The following DNAH7 variants were observed in gnomAD, a reference collection of about 807,000 sequenced individuals.
DNAH7 encodes dynein axonemal heavy chain 7.
Under a neutral mutation model 444.6 loss-of-function variants are expected in DNAH7, and 397 were observed. The observed-to-expected ratio is 0.89, with a 90% CI of 0.82 to 0.97. DNAH7 has a LOEUF of 0.97. DNAH7 is among the 50% of genes least tolerant of loss of function. DNAH7 has a pLI of 0.00. For synonymous variants in DNAH7, 1,636 were observed against 1,624.4 expected (o/e 1.01, Z -0.17); for missense variants, 4,902 against 4,800.8 (o/e 1.02, Z -0.62).
chr2:195,749,837 A>T (rs1199318700), intron 63 of DNAH7, among the ~76,000 whole-genome samples: 2 of 127,178 alleles, frequency 1.6e-5, no homozygotes, highest in African/African-American at 2.9e-5. Flanking sequence ...TGTTGTGGGG[A>T]AGGGGGAGGG....
intron 19 of DNAH7, among the ~76,000 whole-genome samples, chr2:195,943,412 G>C (rs1689597339): frequency 6.6e-6 from 1 of 152,134 alleles, no homozygotes; most frequent in Admixed American, 6.6e-5. Context: ...GTGATAATGA[G>C]TAAGTCATTC....
intron 21 of DNAH7, among the ~76,000 whole-genome samples, chr2:195,927,740 C>T (rs1419417067): frequency 1.3e-5 from 2 of 151,094 alleles, no homozygotes; most frequent in African/African-American, 4.9e-5. Flanking sequence ...TCTATGTTTA[C>T]CATATTATAT....
rs1229653794 is a variant in DNAH7, at chr2:195,792,434, C to CAT, written c.10716+1903_10716+1904insAT. On this transcript the variant is annotated intron_variant, in intron 57 of 64. Transcript: ENST00000312428. ...ACACACACACACACACACACACACA[C>CAT]ACATTAAAAAAACAGGGGGAGATGA... Among the ~76,000 whole-genome samples, 3 of 140,884 alleles carry CAT rather than the reference C, an allele frequency of 2.1e-5. No homozygotes were observed. The East Asian group carries it at 6.4e-4, about 30-fold the overall frequency. 92.4% of individuals were successfully genotyped at this position (140,884 alleles called of 152,430 possible).
At chr2:195,938,880 A>G (rs1433835124) in intron 19 of DNAH7, among the ~76,000 whole-genome samples, 2 of 152,266 alleles carry the variant, frequency 1.3e-5, no homozygotes, top group East Asian at 3.9e-4. Flanking sequence ...TATGACTGGC[A>G]ACTCAACTAC....
chr2:195,975,460 T>A (rs912404341), intron 15 of DNAH7, among the ~76,000 whole-genome samples: 3 of 152,134 alleles, frequency 2.0e-5, no homozygotes, highest in African/African-American at 4.8e-5. Flanking sequence ...GGCTAAAGTG[T>A]TCTGAGGCTC....
Position 195,778,618 on chromosome 2 carries a change from GAAAA to G in DNAH7, c.10879-637_10879-634del, listed in dbSNP as rs1228548239. 1.1e-3 allele frequency among the ~76,000 whole-genome samples: 25 copies of G among 21,764 alleles called. 2 individuals are homozygous for G. Among genetic ancestry groups the G allele is most frequent in the Admixed American group, 3.0e-3 (4 of 1,322 alleles). 14.3% of individuals were successfully genotyped at this position (21,764 alleles called of 152,430 possible). On this transcript the variant is annotated intron_variant, in intron 58 of 64. Transcript: ENST00000312428. ...TGGGTGACAGAGCAAGACCCTGTCT[GAAAA>G]AAAAAAAAAATAAATAAATAAATAT...
chr2:195,804,525 A>C (rs1185471653), intron 54 of DNAH7, among the ~76,000 whole-genome samples: 1 of 152,234 alleles, frequency 6.6e-6, no homozygotes, highest in Non-Finnish European at 1.5e-5. Flanking sequence ...TCCAAACTGC[A>C]GTGGCTTAAC....
chr2:195,870,758 C>T (rs1700632297), intron 40 of DNAH7, among the ~76,000 whole-genome samples: 1 of 152,192 alleles, frequency 6.6e-6, no homozygotes, highest in Non-Finnish European at 1.5e-5. Context: ...AGAAAACAAT[C>T]CCTCACCAGA....
chr2:195,861,449 T>C (rs954344256), intron 42 of DNAH7, among the ~76,000 whole-genome samples: 1 of 152,212 alleles, frequency 6.6e-6, no homozygotes, highest in African/African-American at 2.4e-5. Context: ...TACTAGTGTT[T>C]ACTCAATATT....
At chr2:196,050,475 G>GGTTAAAAT in intron 3 of DNAH7, among the ~76,000 whole-genome samples, 1 of 152,026 alleles carries the variant, frequency 6.6e-6, no homozygotes, top group African/African-American at 2.4e-5. Flanking sequence ...ACTTAAAAAT[G>GGTTAAAAT]GTTAAAATGG....
chr2:195,984,493 G>T lies in DNAH7; in HGVS notation c.1833+139C>A, dbSNP rs1028515568. 1.1e-5 allele frequency: 9 copies of T among 785,708 alleles called. No individual in the cohort carries two copies. The East Asian group carries it at 1.7e-4, about 14-fold the overall frequency. The allele number at this position is 785,708 out of a possible 1,614,324, so 48.7% of individuals were successfully genotyped here. A position where few individuals can be genotyped will look rare whatever the true frequency, so the allele number is the denominator to read the frequency against. On this transcript the variant is annotated intron_variant, in intron 15 of 64. Transcript: ENST00000312428. ...CTCCCGAGTAGCTGGGACTACAGGC[G>T]CATGCCACCACACCCAGCTAATTGA...
intron 40 of DNAH7, among the ~76,000 whole-genome samples, chr2:195,871,596 T>TAA (rs957555551): frequency 6.9e-6 from 1 of 144,092 alleles, no homozygotes; most frequent in African/African-American, 2.5e-5. Flanking sequence ...ATAAGTAATG[T>TAA]AAAAAAAAAA....
chr2:195,913,176 A>G (rs888602778), intron 24 of DNAH7, among the ~76,000 whole-genome samples: 3 of 152,164 alleles, frequency 2.0e-5, no homozygotes, highest in Non-Finnish European at 4.4e-5. Context: ...ACTTAAAATG[A>G]CTAATTTTCT....
intron 12 of DNAH7, chr2:195,994,463 C>A: frequency 1.9e-6 from 1 of 537,024 alleles, no homozygotes. Context: ...AAAGGTTTGC[C>A]ATAGAAATTG....
At chr2:195,954,391 T>C (rs1189672288) in intron 19 of DNAH7, among the ~76,000 whole-genome samples, 1 of 152,244 alleles carries the variant, frequency 6.6e-6, no homozygotes, top group East Asian at 1.9e-4. Flanking sequence ...TATTCCATTG[T>C]GTATATGTGC....
At chr2:195,859,198 C>T (rs779048431) in intron 42 of DNAH7, among the ~76,000 whole-genome samples, 7 of 152,038 alleles carry the variant, frequency 4.6e-5, no homozygotes, top group Admixed American at 6.5e-5. Flanking sequence ...TTATTTTAAA[C>T]GCACTTCAGT....
intron 41 of DNAH7, 92 bp downstream of exon 41, chr2:195,864,057 T>A: frequency 7.8e-7 from 1 of 1,288,436 alleles, no homozygotes; most frequent in Non-Finnish European, 1.1e-6. Context: ...TATTTTGGGG[T>A]AAACTACAGG....
chr2:195,834,385 C>A, intron 47 of DNAH7, 25 bp from the exon 48 acceptor site: 2 of 1,572,172 alleles, frequency 1.3e-6, no homozygotes, highest in Non-Finnish European at 1.7e-6. Flanking sequence ...AAAGACGATG[C>A]TGGTCAAGCC....
At chr2:196,066,023 T>C (rs1168466185) in intron 1 of DNAH7, among the ~76,000 whole-genome samples, 1 of 152,242 alleles carries the variant, frequency 6.6e-6, no homozygotes, top group Non-Finnish European at 1.5e-5. Context: ...TCTGTTGGGA[T>C]CCTGACTAAT....
Sources: allele counts gnomAD v4.1 joint callset (sites outside exome capture counted in the v4.1 genomes callset), GRCh38; gene constraint gnomAD v4.1.1; transcripts MANE v1.5; gene names NCBI Gene and HGNC (gene_info 2026-07-23, HGNC 2026-07-21).